The following MYO16 variants were observed in gnomAD, a reference collection of about 807,000 sequenced individuals.
MYO16 encodes myosin XVI.
In MYO16, 94 loss-of-function variants were observed where a neutral mutation model predicts 205.3. The observed-to-expected ratio is 0.46, with a 90% confidence interval of 0.39 to 0.54. MYO16 has a LOEUF of 0.54. Among genes scored for constraint, MYO16 ranks in the 20% least tolerant of loss-of-function variants. The pLI is 0.00. For missense variants in MYO16, 2,315 were observed against 2,387.5 expected (o/e 0.97, Z 0.63); for synonymous variants, 988 against 954.0 (o/e 1.04, Z -0.66).
At chr13:108,925,891 A>T (rs1594401069) in intron 16 of MYO16, among the ~76,000 whole-genome samples, 1 of 152,240 alleles carries the variant, frequency 6.6e-6, no homozygotes, top group Non-Finnish European at 1.5e-5. Flanking sequence ...CCTCTCACTG[A>T]CCCCTTCCTG....
chr13:108,744,403 T>C (rs1884997523), intron 4 of MYO16, among the ~76,000 whole-genome samples: 1 of 152,192 alleles, frequency 6.6e-6, no homozygotes, highest in Non-Finnish European at 1.5e-5. Flanking sequence ...TTCTTCAAAT[T>C]CATATTTATG....
At chr13:108,551,876 C>T in the MYO16 span, among the ~76,000 whole-genome samples, 484 of 152,316 alleles carry the variant, frequency 3.2e-3, 5 homozygotes, top group African/African-American at 0.011. Context: ...CACTACCAGT[C>T]AGGCTGTTCC....
intron 14 of MYO16, 49 bp downstream of exon 14, chr13:108,888,526 C>G (rs979584670): frequency 7.3e-7 from 1 of 1,360,554 alleles, no homozygotes; most frequent in Non-Finnish European, 1.0e-6. Context: ...GATGTTCAGC[C>G]AGTTGTCATT....
intron 4 of MYO16, among the ~76,000 whole-genome samples, chr13:108,778,630 A>AT (rs74316857): frequency 1.3e-5 from 2 of 151,856 alleles, no homozygotes; most frequent in South Asian, 2.1e-4. Flanking sequence ...AAAAATATAT[A>AT]TTTTTTTTCT....
chr13:108,663,498 A>G (rs1881592672), intron 1 of MYO16, among the ~76,000 whole-genome samples: 1 of 152,216 alleles, frequency 6.6e-6, no homozygotes, highest in African/African-American at 2.4e-5. Flanking sequence ...GGAATTATTT[A>G]GCAAAAATAC....
intron 31 of MYO16, among the ~76,000 whole-genome samples, chr13:109,129,238 A>G (rs1055859933): frequency 3.3e-5 from 5 of 152,186 alleles, no homozygotes; most frequent in Non-Finnish European, 5.9e-5. Flanking sequence ...TATATCAGCC[A>G]TGTTTCAACA....
intron 30 of MYO16, among the ~76,000 whole-genome samples, chr13:109,126,633 T>TA (rs1383583402): frequency 6.6e-6 from 1 of 152,192 alleles, no homozygotes; most frequent in East Asian, 1.9e-4. Context: ...AGTGAAGAAG[T>TA]ATTTGTCTGT....
chr13:108,904,894 C>T (rs1880887334), intron 15 of MYO16, among the ~76,000 whole-genome samples: 1 of 152,158 alleles, frequency 6.6e-6, no homozygotes, highest in African/African-American at 2.4e-5. Flanking sequence ...AGTTTTCATT[C>T]ACTTTAGAGT....
intron 9 of MYO16, among the ~76,000 whole-genome samples, chr13:108,836,600 G>A (rs984826313): frequency 2.4e-4 from 36 of 151,898 alleles, no homozygotes; most frequent in Non-Finnish European, 4.9e-4. Flanking sequence ...GCAGCCGGGT[G>A]CAGGGCCATA....
At chr13:109,105,399 G>A (rs893312743) in intron 28 of MYO16, among the ~76,000 whole-genome samples, 9 of 152,204 alleles carry the variant, frequency 5.9e-5, no homozygotes, top group African/African-American at 1.9e-4. Context: ...TTGAACCTGG[G>A]AGGTGGACGT....
At chr13:108,844,627 G>A in intron 10 of MYO16, 134 bp downstream of exon 10, 1 of 904,896 alleles carries the variant, frequency 1.1e-6, no homozygotes, top group Non-Finnish European at 1.5e-6. Context: ...TTAATATTTT[G>A]CTTGCAGTTT....
chr13:108,541,005 T>A, the MYO16 span, among the ~76,000 whole-genome samples: 1 of 152,094 alleles, frequency 6.6e-6, no homozygotes, highest in African/African-American at 2.4e-5. Context: ...TACTCTTAGG[T>A]GACATAAATA....
chr13:109,179,757 G>A (rs1700897608), intron 34 of MYO16, 124 bp downstream of exon 34: 1 of 677,164 alleles, frequency 1.5e-6, no homozygotes, highest in Non-Finnish European at 2.6e-6. Context: ...TCTCACCTCT[G>A]CCCTGCACTC....
At chr13:109,088,354 G>A (rs574760990) in intron 27 of MYO16, among the ~76,000 whole-genome samples, 2 of 152,224 alleles carry the variant, frequency 1.3e-5, no homozygotes, top group South Asian at 2.1e-4. Context: ...TTCTAATTTA[G>A]TGTTTCACTT....
intron 24 of MYO16, 21 bp from the exon 25 acceptor site, chr13:109,052,279 A>T: frequency 6.3e-7 from 1 of 1,599,858 alleles, no homozygotes; most frequent in Non-Finnish European, 8.6e-7. Flanking sequence ...CACTTACGAT[A>T]TTCATTTATT....
chr13:108,813,773 T>A (rs1278645247), intron 7 of MYO16, among the ~76,000 whole-genome samples: 1 of 152,160 alleles, frequency 6.6e-6, no homozygotes, highest in Non-Finnish European at 1.5e-5. Flanking sequence ...GAAATTCTTT[T>A]AATAGCAAAG....
At chr13:109,193,808 T>C (rs772644702) in intron 34 of MYO16, among the ~76,000 whole-genome samples, 1 of 152,198 alleles carries the variant, frequency 6.6e-6, no homozygotes, top group Admixed American at 6.5e-5. Flanking sequence ...CAAAGCCAAC[T>C]GTCAAATCCT....
chr13:108,765,266 GTTAA>G (rs1009133066), intron 4 of MYO16, among the ~76,000 whole-genome samples: 2 of 151,656 alleles, frequency 1.3e-5, no homozygotes, highest in African/African-American at 2.4e-5. Flanking sequence ...ATTAAGTATT[GTTAA>G]TTAATAATTT....
the MYO16 span, among the ~76,000 whole-genome samples, chr13:108,518,198 C>T: frequency 6.6e-6 from 1 of 152,178 alleles, no homozygotes; most frequent in Admixed American, 6.5e-5. Flanking sequence ...GTAGCTTTCA[C>T]ATAGAAAAAT....
Sources: allele counts gnomAD v4.1 joint callset (sites outside exome capture counted in the v4.1 genomes callset), GRCh38; gene constraint gnomAD v4.1.1; transcripts MANE v1.5; gene names NCBI Gene and HGNC (gene_info 2026-07-23, HGNC 2026-07-21).